KIFC3: variants seen among roughly 807,000 people sequenced by gnomAD.
KIFC3 encodes the protein kinesin-like protein KIFC3.
In KIFC3, 60 loss-of-function variants were observed where a neutral mutation model predicts 101.8. The observed-to-expected ratio is 0.59, with a 90% CI of 0.48 to 0.73. The LOEUF is 0.73. Ranked by LOEUF, KIFC3 falls within the 30% of genes least tolerant of loss-of-function variation. KIFC3 has a pLI of 0.00. For synonymous variants in KIFC3, 476 were observed against 482.7 expected, an observed-to-expected ratio of 0.99 and a Z score of 0.18; for missense variants, 966 against 1,137.1, an observed-to-expected ratio of 0.85 and a Z score of 2.16.
chr16:57,846,587 C>T (rs922359799), intron 1 of KIFC3: 1 of 152,244 alleles, frequency 6.6e-6, no homozygotes, highest in Non-Finnish European at 1.5e-5. Flanking sequence ...GGAAGCTGCT[C>T]GCAGACAGCC....
In KIFC3 at chr16:57,802,483, C is replaced by G. The variant is rs2054805015; in HGVS notation, c.-153G>C. 3.1e-6 allele frequency: 3 copies of G among 983,304 alleles called. No homozygotes were observed. Among genetic ancestry groups the G allele is most frequent in the South Asian group, 4.7e-5 (1 of 21,298 alleles). The allele number at this position is 983,304 out of a possible 1,614,324, so 60.9% of individuals were successfully genotyped here. A position where few individuals can be genotyped will look rare whatever the true frequency, so the allele number is the denominator to read the frequency against. On this transcript the variant is annotated 5_prime_UTR_variant, in exon 1 of 20. Transcript: ENST00000445690. The surrounding 1 kb of genome is among the most constrained non-coding windows in gnomAD (Gnocchi z 5.0). ...CCGCCTCCTCCTCGGCCAGCCCGCT[C>G]GCGCCCCTCCCGCACACTTTCCACA...
At chr16:57,830,330 C>G (rs541360498) in intron 1 of KIFC3, among the ~76,000 whole-genome samples, 64 of 151,062 alleles carry the variant, frequency 4.2e-4, no homozygotes, top group African/African-American at 1.6e-3. Flanking sequence ...CTCCCCCTCC[C>G]GGGTTCCAGC....
chr16:57,822,642 A>G (rs542789876), intron 1 of KIFC3, among the ~76,000 whole-genome samples: 106 of 152,020 alleles, frequency 7.0e-4, no homozygotes, highest in South Asian at 5.2e-3. Flanking sequence ...GGTTGCAGTG[A>G]GCCGAGATCA....
At chr16:57,842,238 C>T (rs2055830334) in intron 1 of KIFC3, among the ~76,000 whole-genome samples, 1 of 152,164 alleles carries the variant, frequency 6.6e-6, no homozygotes. Flanking sequence ...CTTCTTAGCG[C>T]TGTCTGAAAT....
intron 1 of KIFC3, chr16:57,815,353 C>A: frequency 1.0e-6 from 1 of 989,944 alleles, no homozygotes; most frequent in Non-Finnish European, 1.3e-6. Context: ...CTTCTGTTAG[C>A]TCAAGGCCAC....
chr16:57,777,179 T>A (rs1239198582), intron 3 of KIFC3: 1 of 148,648 alleles, frequency 6.7e-6, no homozygotes, highest in Non-Finnish European at 1.5e-5. Context: ...TACAAGATAT[T>A]GGTGAAAGAA....
At position 57,762,306 on chromosome 16, in the gene KIFC3, C is replaced by G. The variant is rs1191361317; in HGVS notation, c.1618-36G>C. ...AAGGAAAGGCCCCAGTAAGCCAGGC[C>G]TGTCCCCAAAGACGCTCGTGTGGTG... On this transcript the variant is annotated intron_variant, in intron 12 of 19. Coordinates refer to ENST00000445690, the MANE Select transcript of KIFC3 (RefSeq NM_001130100.2). The G allele has an allele frequency of 8.0e-6, 12 of 1,495,106 alleles. No individual in the cohort carries two copies. In the Admixed American group the frequency reaches 1.8e-4, roughly 22 times the overall value. The allele number at this position is 1,495,106 out of a possible 1,614,324, so 92.6% of individuals were successfully genotyped here. A position where few individuals can be genotyped will look rare whatever the true frequency, so the allele number is the denominator to read the frequency against.
At chr16:57,843,980 C>T (rs755538768) in intron 1 of KIFC3, among the ~76,000 whole-genome samples, 9 of 151,236 alleles carry the variant, frequency 6.0e-5, no homozygotes, top group African/African-American at 1.5e-4. Context: ...TGGTGGTGCA[C>T]GCCTGTAATC....
rs143494386 is a variant in KIFC3, at chr16:57,794,922, C to T, written c.315+77G>A. 2,777 of 1,378,622 alleles carry T rather than the reference C, an allele frequency of 2.0e-3. 42 individuals carry two copies. The African/African-American group carries it at 0.036, about 18-fold the overall frequency. 85.4% of individuals were successfully genotyped at this position (1,378,622 alleles called of 1,614,324 possible). ...GCTCTCCCCAGGTGCTTCCTACCCC[C>T]AGAAGCCTGGCAGGAACCCAGCCAC... is the stretch of plus-strand genomic sequence containing the variant. On this transcript the variant is annotated intron_variant, in intron 3 of 19. Coordinates refer to ENST00000445690, the MANE Select transcript of KIFC3 (RefSeq NM_001130100.2).
At chr16:57,850,785 G>C (rs1013350884) in intron 1 of KIFC3, among the ~76,000 whole-genome samples, 2 of 151,942 alleles carry the variant, frequency 1.3e-5, no homozygotes, top group Non-Finnish European at 1.5e-5. Flanking sequence ...CACAAAAATG[G>C]GTCTTTTTCA....
chr16:57,775,434 G>A lies in KIFC3; in HGVS notation c.316-3146C>T, dbSNP rs1470824519. ...CCAGCTCTACTGGGGGCTAGGTCTCGGGCTTGTAGGGAAGATGTCTGCTTT... is the reference window on the plus strand; with the variant it reads ...CCAGCTCTACTGGGGGCTAGGTCTCAGGCTTGTAGGGAAGATGTCTGCTTT... On this transcript the variant is annotated intron_variant, in intron 3 of 19. Transcript: ENST00000445690. 1.1e-5 allele frequency: 11 copies of A among 1,017,936 alleles called. No individual in the cohort carries two copies. The East Asian group carries it at 3.7e-4, about 34-fold the overall frequency. 63.1% of individuals were successfully genotyped at this position (1,017,936 alleles called of 1,614,324 possible). A position where few individuals can be genotyped will look rare whatever the true frequency, so the allele number is the denominator to read the frequency against.
chr16:57,825,759 C>G (rs1181371473), intron 1 of KIFC3, among the ~76,000 whole-genome samples: 1 of 152,164 alleles, frequency 6.6e-6, no homozygotes, highest in South Asian at 2.1e-4. Context: ...CTCACTGCAG[C>G]CTTGACCTCC....
At chr16:57,831,363 G>A (rs2055576788) in intron 1 of KIFC3, among the ~76,000 whole-genome samples, 1 of 152,218 alleles carries the variant, frequency 6.6e-6, no homozygotes, top group South Asian at 2.1e-4. Context: ...AAACCGCACT[G>A]TGCACATGAA....
At chr16:57,778,212 C>T (rs1206935449) in intron 3 of KIFC3, among the ~76,000 whole-genome samples, 1 of 152,094 alleles carries the variant, frequency 6.6e-6, no homozygotes. Context: ...CCCAGGAGGC[C>T]AAGGCCACAG....
chr16:57,849,143 C>T (rs2055996431), intron 1 of KIFC3, among the ~76,000 whole-genome samples: 1 of 152,162 alleles, frequency 6.6e-6, no homozygotes, highest in Non-Finnish European at 1.5e-5. Flanking sequence ...ATATCTGTGG[C>T]TCTACTCGTC....
In KIFC3 at chr16:57,771,686, C is replaced by T; in HGVS notation, c.382G>A (p.Gly128Arg). 1 of 1,610,850 alleles carries T rather than the reference C, an allele frequency of 6.2e-7. No individual in the cohort carries two copies. ...CGGTGCTTCTCCAAGTCGGTGCCCC[C>T]CTGCAGAGAGCCAGGGCCGAGGGGG... ...QEVSRLRSELGGTDLEKHRDL... is the reference protein window; with the variant it reads ...QEVSRLRSELRGTDLEKHRDL... Residue 128 changes from glycine (G) to arginine (R), a missense_variant and splice_region_variant, in exon 5 of 20, where the codon GGG (glycine) becomes AGG (arginine). Physicochemically the swap from Gly to Arg is moderately radical, Grantham distance 125. Around this residue, in one of 2 missense-constraint regions of KIFC3, gnomAD observed 277 missense variants for 252.5 expected, o/e 1.10. Transcript: ENST00000445690.
At chr16:57,814,069 T>G (rs2055159508) in intron 1 of KIFC3, among the ~76,000 whole-genome samples, 1 of 152,166 alleles carries the variant, frequency 6.6e-6, no homozygotes. Flanking sequence ...ATGGGGTACC[T>G]TGTCATTGTG....
At chr16:57,850,477 T>TTG (rs1261811612) in intron 1 of KIFC3, among the ~76,000 whole-genome samples, 4 of 136,526 alleles carry the variant, frequency 2.9e-5, no homozygotes, top group East Asian at 2.1e-4. Flanking sequence ...TTTTTTTTTT[T>TTG]TTTTTTTTTT....
intron 1 of KIFC3, among the ~76,000 whole-genome samples, chr16:57,856,708 T>C (rs1007458005): frequency 6.6e-6 from 1 of 151,998 alleles, no homozygotes; most frequent in African/African-American, 2.4e-5. Flanking sequence ...AAAGTGTGTA[T>C]ATAATAAAGA....
Sources: gnomAD v4.1 joint callset for allele counts (sites outside exome capture counted in the v4.1 genomes callset) on GRCh38, gnomAD v4.1.1 for gene constraint, gnomAD v4.1.1 regional missense constraint, Gnocchi (gnomAD v3.1) non-coding constraint, MANE v1.5 for transcripts, NCBI Gene and HGNC (gene_info 2026-07-23, HGNC 2026-07-21) for gene names.